The following APOOL variants were observed in gnomAD, a reference collection of about 807,000 sequenced individuals.
APOOL encodes the protein apolipoprotein O like, also known as MICOS complex subunit MIC27.
A neutral mutation model predicts 23.1 loss-of-function variants in APOOL; 12 were observed. That is an observed-to-expected ratio of 0.52 (90% CI 0.33 to 0.84). The LOEUF is 0.84. APOOL is among the 40% of genes least tolerant of loss of function. APOOL has a pLI of 0.02. For synonymous variants in APOOL, 77 were observed against 69.9 expected (o/e 1.10, Z -0.51); for missense variants, 212 against 199.6 (o/e 1.06, Z -0.37).
chrX:85,046,596 G>C, intron 2 of APOOL, 46 bp downstream of exon 2: 1 of 1,001,755 alleles, frequency 1.0e-6, no homozygotes, highest in Non-Finnish European at 1.4e-6. Context: ...ATATCAAGAT[G>C]ACACAAAAGC....
chrX:85,021,263 A>G (rs1316746052), intron 1 of APOOL, among the ~76,000 whole-genome samples: 1 of 110,914 alleles, frequency 9.0e-6, no homozygotes, highest in Non-Finnish European at 1.9e-5. Context: ...CCCAGAACCC[A>G]GGCCAGTCCT....
chrX:85,087,426 C>T (rs1320774635), intron 8 of APOOL, among the ~76,000 whole-genome samples, 164 bp from the exon 9 acceptor site: 1 of 111,323 alleles, frequency 9.0e-6, no homozygotes, highest in African/African-American at 3.3e-5. Flanking sequence ...AGCACTTAAC[C>T]ACCATCTGAT....
At chrX:85,030,384 TA>T (rs933864415) in intron 1 of APOOL, among the ~76,000 whole-genome samples, 6 of 108,275 alleles carry the variant, frequency 5.5e-5, no homozygotes, top group African/African-American at 1.3e-4. Context: ...GGTCAGGGAT[TA>T]AAAAAAAACA....
intron 1 of APOOL, among the ~76,000 whole-genome samples, chrX:85,029,142 T>C (rs1405879999): frequency 9.0e-6 from 1 of 111,651 alleles, no homozygotes; most frequent in Admixed American, 9.5e-5. Flanking sequence ...CTAACTTACA[T>C]TCCCAGAAAC....
chrX:85,061,912 C>T (rs907645963), intron 5 of APOOL, among the ~76,000 whole-genome samples: 1 of 110,799 alleles, frequency 9.0e-6, no homozygotes, highest in African/African-American at 3.3e-5. Flanking sequence ...TATTTCGTGC[C>T]TTCTGCTAGC....
At chrX:85,049,372 T>C (rs1922683588) in intron 2 of APOOL, among the ~76,000 whole-genome samples, 1 of 111,691 alleles carries the variant, frequency 9.0e-6, no homozygotes, top group African/African-American at 3.3e-5. Context: ...GGAAAATACT[T>C]TAAAACACTG....
At chrX:85,056,429 A>G (rs1922965667) in intron 5 of APOOL, among the ~76,000 whole-genome samples, 1 of 112,092 alleles carries the variant, frequency 8.9e-6, no homozygotes, top group South Asian at 3.7e-4. Flanking sequence ...TTATAATTTT[A>G]ATAGAAATAG....
intron 1 of APOOL, among the ~76,000 whole-genome samples, chrX:85,043,476 C>A (rs1922469686): frequency 9.4e-6 from 1 of 106,219 alleles, no homozygotes; most frequent in Non-Finnish European, 1.9e-5. Context: ...CATAAGATTT[C>A]TTGTCATATA....
At chrX:85,081,504 C>T in intron 8 of APOOL, 1 of 115,810 alleles carries the variant, frequency 8.6e-6, no homozygotes, top group Non-Finnish European at 1.8e-5. Flanking sequence ...TGACCTTTCT[C>T]TCTGGCTGCC....
chrX:85,079,644 G>A lies in APOOL; in HGVS notation c.718+5253G>A, dbSNP rs1419689604. On this transcript the variant is annotated intron_variant, in intron 8 of 8. Transcript: ENST00000373173. ...AGAATTCCCTCTTTTTCTATTGATT[G>A]GAATAGTTTCAGAAGGAATGGTACC... is the stretch of plus-strand genomic sequence containing the variant. Among the ~76,000 whole-genome samples, 10 of 111,531 alleles carry A rather than the reference G, an allele frequency of 9.0e-5. No homozygotes were observed. The Admixed American group carries it at 9.5e-4, about 11-fold the overall frequency.
At chrX:85,029,158 A>G (rs746342452) in intron 1 of APOOL, among the ~76,000 whole-genome samples, 4 of 111,586 alleles carry the variant, frequency 3.6e-5, no homozygotes, top group Admixed American at 9.5e-5. Context: ...GAAACAATAT[A>G]CAAGGGTTCC....
At chrX:85,057,314 T>C (rs1483288868) in intron 5 of APOOL, among the ~76,000 whole-genome samples, 1 of 109,492 alleles carries the variant, frequency 9.1e-6, no homozygotes, top group Non-Finnish European at 1.9e-5. Flanking sequence ...ATTACTTATA[T>C]TGGAAGGCAC....
At chrX:85,022,170 G>T (rs1010053595) in intron 1 of APOOL, among the ~76,000 whole-genome samples, 2 of 112,269 alleles carry the variant, frequency 1.8e-5, no homozygotes, top group Non-Finnish European at 3.8e-5. Flanking sequence ...TAAAAAAGGA[G>T]TAATACCAGT....
intron 1 of APOOL, among the ~76,000 whole-genome samples, chrX:85,042,479 C>A (rs1178584440): frequency 1.8e-5 from 2 of 111,847 alleles, no homozygotes; most frequent in African/African-American, 6.5e-5. Context: ...GAAGGAAAAG[C>A]CTGGGACTTG....
chrX:85,077,882 A>G (rs755318564), intron 8 of APOOL, among the ~76,000 whole-genome samples: 12 of 112,278 alleles, frequency 1.1e-4, no homozygotes, highest in African/African-American at 3.6e-4. Context: ...TTGACTGCAT[A>G]AATGTCTTCT....
At chrX:85,068,393 CTTCTTTTTTTTTTTTT>C (rs756418951) in intron 6 of APOOL, among the ~76,000 whole-genome samples, 6 of 104,071 alleles carry the variant, frequency 5.8e-5, no homozygotes, top group East Asian at 3.0e-4. Flanking sequence ...ACTGATTCTT[CTTCTTTTTTTTTTTTT>C]TTCTTTTTTT....
intron 8 of APOOL, among the ~76,000 whole-genome samples, chrX:85,086,439 C>G (rs1242378869): frequency 8.9e-6 from 1 of 111,769 alleles, no homozygotes; most frequent in African/African-American, 3.3e-5. Flanking sequence ...ACATTTTCCC[C>G]TATCTCAATA....
At chrX:85,077,295 C>T (rs1370407927) in intron 8 of APOOL, among the ~76,000 whole-genome samples, 1 of 105,341 alleles carries the variant, frequency 9.5e-6, no homozygotes, top group African/African-American at 3.5e-5. Flanking sequence ...GTATGATGTT[C>T]CCCACCCTGT....
At position 85,067,157 on chromosome X, in the gene APOOL, T is replaced by G; in HGVS notation, c.425T>G (p.Leu142Arg). 8.6e-7 allele frequency: 1 copy of G among 1,161,427 alleles called. No individual in the cohort carries two copies. The highest frequency in any genetic ancestry group is 1.2e-6 in the Non-Finnish European group (1 of 868,315). ...AAGTTTAAGAAAATTACTTATCCTC[T>G]GGGACTGGCCACTTTAGGAGCAACT... The part of the protein sequence containing the change: ...GSKFKKITYP[L>R]GLATLGATVC... Residue 142 changes from leucine (L) to arginine (R), a missense_variant, in exon 6 of 9, where the codon CTG becomes CGG. By Grantham distance (102) the Leu-to-Arg change is moderately radical. Coordinates refer to ENST00000373173, the MANE Select transcript of APOOL (RefSeq NM_198450.6).
Sources: gnomAD v4.1 joint callset for allele counts (sites outside exome capture counted in the v4.1 genomes callset) on GRCh38, gnomAD v4.1.1 for gene constraint, MANE v1.5 for transcripts, NCBI Gene and HGNC (gene_info 2026-07-23, HGNC 2026-07-21) for gene names.